The following PPFIA1 variants were observed in gnomAD, a reference collection of about 807,000 sequenced individuals.
PPFIA1 encodes the protein PPFI scaffold protein A1.
Under a neutral mutation model 149.9 loss-of-function variants are expected in PPFIA1, and 25 were observed. The observed-to-expected ratio is 0.17, with a 90% CI of 0.12 to 0.23. PPFIA1 has a LOEUF of 0.23. Ranked by LOEUF, PPFIA1 falls within the 10% of genes least tolerant of loss-of-function variation. The pLI is 1.00. For missense variants in PPFIA1, 1,362 were observed against 1,506.5 expected (o/e 0.90, Z 1.59); for synonymous variants, 549 against 552.8 (o/e 0.99, Z 0.10).
At chr11:70,279,182 A>G (rs2136057165) in intron 2 of PPFIA1, 1 of 444,492 alleles carries the variant, frequency 2.2e-6, no homozygotes, top group Non-Finnish European at 4.2e-6. Context: ...TGATTGTCCT[A>G]GATTTCAGGT....
At position 70,307,624 on chromosome 11, in the gene PPFIA1, G is replaced by A. The variant is rs374146131; in HGVS notation, c.265-16778G>A. ...TTCTAAAGGTGTGTGTAAAAAAAAA[G>A]AAAGAAAAAGGTCTGTTAGGCTGGG... On this transcript the variant is annotated intron_variant, in intron 2 of 27. Coordinates refer to ENST00000253925, the MANE Select transcript of PPFIA1 (RefSeq NM_003626.5). 1.4e-4 allele frequency among the ~76,000 whole-genome samples: 22 copies of A among 152,098 alleles called. 1 individual carries two copies. The East Asian group carries it at 1.9e-3, about 13-fold the overall frequency.
At position 70,339,276 on chromosome 11, in the gene PPFIA1, G is replaced by A. The variant is rs878885316; in HGVS notation, c.1677G>A (p.Arg559=). Residue 559 remains arginine, a synonymous_variant, in exon 14 of 28, where the codon CGG becomes CGA. Transcript: ENST00000253925. ...SAVLRRPQKG[R]LAALRDEPSK... ...TGCTGCGGCGCCCACAGAAAGGCCG[G>A]CTGGCAGCCCTGCGAGATGAGCCTT... is the stretch of plus-strand genomic sequence containing the variant. The A allele has an allele frequency of 1.2e-6, 2 of 1,613,918 alleles. No individual in the cohort carries two copies. Among genetic ancestry groups the A allele is most frequent in the Non-Finnish European group, 1.7e-6 (2 of 1,179,918 alleles).
chr11:70,295,680 C>A lies in PPFIA1; in HGVS notation c.264+23244C>A, dbSNP rs549979735. On this transcript the variant is annotated intron_variant, in intron 2 of 27. Transcript: ENST00000253925. ...TCCCGGACGGGGCGGCTGGCCGGGC[C>A]GGGGGCTGACCCCCCCCACCTCCCT... Among the ~76,000 whole-genome samples, 53 of 122,652 alleles carry A rather than the reference C, an allele frequency of 4.3e-4. 2 individuals are homozygous for A. Among genetic ancestry groups the A allele is most frequent in the Admixed American group, 2.7e-3 (34 of 12,604 alleles). 80.5% of individuals were successfully genotyped at this position (122,652 alleles called of 152,430 possible).
At chr11:70,340,287 A>C (rs937536046) in intron 14 of PPFIA1, among the ~76,000 whole-genome samples, 1 of 151,998 alleles carries the variant, frequency 6.6e-6, no homozygotes, top group Non-Finnish European at 1.5e-5. Context: ...ACAAATAAAG[A>C]AATTAGCTGG....
At chr11:70,344,581 G>A (rs1426045841) in intron 15 of PPFIA1, among the ~76,000 whole-genome samples, 1 of 152,268 alleles carries the variant, frequency 6.6e-6, no homozygotes, top group African/African-American at 2.4e-5. Flanking sequence ...GAGGCTGTGT[G>A]TAGTGACGTT....
intron 2 of PPFIA1, among the ~76,000 whole-genome samples, chr11:70,302,354 A>T (rs928320581): frequency 6.6e-6 from 1 of 152,102 alleles, no homozygotes; most frequent in Non-Finnish European, 1.5e-5. Context: ...GAAACAGGAA[A>T]GGCATGGAGG....
intron 15 of PPFIA1, among the ~76,000 whole-genome samples, chr11:70,347,848 G>A (rs539014768): frequency 5.9e-5 from 9 of 151,278 alleles, no homozygotes; most frequent in South Asian, 2.1e-4. Flanking sequence ...CTAAAAATAC[G>A]AAAAATTAGC....
At chr11:70,282,606 G>C (rs1426986295) in intron 2 of PPFIA1, among the ~76,000 whole-genome samples, 1 of 128,966 alleles carries the variant, frequency 7.8e-6, no homozygotes, top group Non-Finnish European at 1.5e-5. Context: ...TCGGCTCACT[G>C]CAAGCTCCAC....
rs1258438687 is a variant in PPFIA1 at position 70,356,239 on chromosome 11, G to A, written c.2567G>A (p.Arg856His). The A allele has an allele frequency of 6.8e-6, 11 of 1,612,806 alleles. No homozygotes were observed. Among genetic ancestry groups the A allele is most frequent in the African/African-American group, 2.7e-5 (2 of 74,804 alleles). ...SKLGGQAEKNRKLQKKHELLE... is the reference protein window; with the variant it reads ...SKLGGQAEKNHKLQKKHELLE... Reference sequence around the variant, plus strand: ...TTGGGGGGACAGGCTGAAAAAAATCGTAAACTTCAAAAAAAGTAAGCTTTG... The same window carrying A: ...TTGGGGGGACAGGCTGAAAAAAATCATAAACTTCAAAAAAAGTAAGCTTTG... The change falls in exon 19 of 28, where the codon CGT becomes CAT. Residue 856 changes from arginine to histidine, a missense_variant. Physicochemically the swap from Arg to His is conservative, Grantham distance 29. This residue lies in a region of PPFIA1 where 91 missense variants were observed against 91.2 expected (regional missense o/e 1.00). Transcript: ENST00000253925.
At chr11:70,378,252 CTGGA>C (rs1565470514) in intron 26 of PPFIA1, 57 bp downstream of exon 26, 3 of 1,571,056 alleles carry the variant, frequency 1.9e-6, no homozygotes. Context: ...AGCTTTCTGT[CTGGA>C]ACATTAATAA....
chr11:70,300,971 G>A (rs1291876585), intron 2 of PPFIA1, among the ~76,000 whole-genome samples: 1 of 152,212 alleles, frequency 6.6e-6, no homozygotes, highest in Non-Finnish European at 1.5e-5. Context: ...CTCCATTTAA[G>A]GTCATGGGTT....
intron 2 of PPFIA1, among the ~76,000 whole-genome samples, chr11:70,300,219 T>G (rs1236540742): frequency 6.6e-6 from 1 of 152,114 alleles, no homozygotes. Flanking sequence ...TTCATTACCA[T>G]GCGCCCCTCA....
chr11:70,328,716 T>A (rs1373197477), intron 7 of PPFIA1, among the ~76,000 whole-genome samples: 3 of 152,114 alleles, frequency 2.0e-5, no homozygotes, highest in African/African-American at 7.2e-5. Context: ...TTCCTTTTTC[T>A]CCACAACCTC....
chr11:70,378,376 A>C, intron 26 of PPFIA1, 181 bp downstream of exon 26: 1 of 1,298,292 alleles, frequency 7.7e-7, no homozygotes, highest in Non-Finnish European at 9.7e-7. Context: ...AAGTTTAACC[A>C]TAATAATAGA....
At chr11:70,302,615 T>G (rs1337841014) in intron 2 of PPFIA1, among the ~76,000 whole-genome samples, 1 of 152,190 alleles carries the variant, frequency 6.6e-6, no homozygotes, top group Non-Finnish European at 1.5e-5. Flanking sequence ...GAAAACTGCA[T>G]GAGACAGAAT....
At chr11:70,312,973 G>A (rs1214954062) in intron 2 of PPFIA1, among the ~76,000 whole-genome samples, 1 of 152,202 alleles carries the variant, frequency 6.6e-6, no homozygotes, top group African/African-American at 2.4e-5. Context: ...GCAGGAAATG[G>A]CCTCAAGCTG....
At chr11:70,288,044 C>G (rs1218923506) in intron 2 of PPFIA1, among the ~76,000 whole-genome samples, 2 of 151,530 alleles carry the variant, frequency 1.3e-5, no homozygotes, top group Non-Finnish European at 2.9e-5. Flanking sequence ...CACTTGCTCT[C>G]CAGCCATGCC....
At chr11:70,303,617 C>T (rs2052639012) in intron 2 of PPFIA1, among the ~76,000 whole-genome samples, 1 of 152,186 alleles carries the variant, frequency 6.6e-6, no homozygotes, top group Admixed American at 6.5e-5. Context: ...CAGAGCTTCT[C>T]AAGCTCCTGG....
intron 2 of PPFIA1, among the ~76,000 whole-genome samples, chr11:70,312,042 A>T (rs1481194955): frequency 6.6e-6 from 1 of 151,518 alleles, no homozygotes; most frequent in Non-Finnish European, 1.5e-5. Flanking sequence ...ATGGGGTTTC[A>T]CCATGTTGCC....
Sources: allele counts gnomAD v4.1 joint callset (sites outside exome capture counted in the v4.1 genomes callset), GRCh38; gene constraint gnomAD v4.1.1; regional missense constraint gnomAD v4.1.1; transcripts MANE v1.5; gene names NCBI Gene and HGNC (gene_info 2026-07-23, HGNC 2026-07-21).